The following RPL7A variants were observed in gnomAD, a reference collection of about 807,000 sequenced individuals.
RPL7A encodes large ribosomal subunit protein eL8.
For missense variants in RPL7A, 291 were observed against 338.2 expected (o/e 0.86, Z 1.09); for synonymous variants, 158 against 128.2 (o/e 1.23, Z -1.57).
chr9:133,351,115 T>C (rs1305887293), intron 7 of RPL7A, 44 bp downstream of exon 7: 6 of 1,596,052 alleles, frequency 3.8e-6, no homozygotes, highest in Non-Finnish European at 5.1e-6. Flanking sequence ...TCACAAATCT[T>C]TCTCCCAAAT....
intron 1 of RPL7A, 140 bp from the exon 2 acceptor site, chr9:133,348,782 G>T (rs1836290940): frequency 3.9e-6 from 5 of 1,266,346 alleles, no homozygotes; most frequent in Non-Finnish European, 5.7e-6. Flanking sequence ...GGTGGTGCTG[G>T]GGGGTTGCAG....
At position 133,351,129 on chromosome 9, in the gene RPL7A, T is replaced by G. The variant is rs1836387427; in HGVS notation, c.696+58T>G. 3 of 1,585,970 alleles carry G rather than the reference T, an allele frequency of 1.9e-6. No homozygotes were observed. The East Asian group carries it at 6.7e-5, about 36-fold the overall frequency. ...TTCACAAATCTTTCTCCCAAATAAC[T>G]GGCTGGCTTAACCTATGAGAAGTTC... On this transcript the variant is annotated intron_variant, in intron 7 of 7. Coordinates refer to ENST00000323345, the MANE Select transcript of RPL7A (RefSeq NM_000972.3).
chr9:133,349,152 C>T, intron 2 of RPL7A, 110 bp downstream of exon 2: 2 of 1,315,128 alleles, frequency 1.5e-6, no homozygotes, highest in African/African-American at 1.5e-5. Flanking sequence ...TGGTCGCAGT[C>T]CTTAATTTGT....
Position 133,349,471 on chromosome 9 carries a change from C to T in RPL7A, c.125-80C>T, listed in dbSNP as rs1223575445. ...TTAAACCACCAAGATCGCTGATGCA[C>T]CAACACCCTTCCTAGTGGCCCCAGA... On this transcript the variant is annotated intron_variant, in intron 2 of 7. Coordinates refer to ENST00000323345, the MANE Select transcript of RPL7A (RefSeq NM_000972.3). 8 of 1,568,664 alleles carry T rather than the reference C, an allele frequency of 5.1e-6. No homozygotes were observed. In the Admixed American group the frequency reaches 1.3e-4, roughly 26 times the overall value.
At chr9:133,349,811 T>C (rs1212256535) in intron 3 of RPL7A, 101 bp from the exon 4 acceptor site, 15 of 1,579,462 alleles carry the variant, frequency 9.5e-6, no homozygotes, top group African/African-American at 2.7e-5. Context: ...CATTAAATTA[T>C]AGTCATATAG....
In RPL7A at chr9:133,350,104, T is replaced by C. The variant is rs2129991343; in HGVS notation, c.415+52T>C. ...CACTGGGGGCGGGCTGTTGCAGTGA[T>C]GTAAAATTTCTTGGCCTGAAATTAC... On this transcript the variant is annotated intron_variant, in intron 4 of 7. Coordinates refer to ENST00000323345, the MANE Select transcript of RPL7A (RefSeq NM_000972.3). 3.1e-6 allele frequency: 5 copies of C among 1,613,798 alleles called. No homozygotes were observed. The East Asian group carries it at 8.9e-5, about 29-fold the overall frequency.
intron 2 of RPL7A, chr9:133,349,347 CTT>C (rs2129985005): frequency 2.3e-6 from 2 of 861,904 alleles, no homozygotes; most frequent in South Asian, 2.6e-5. Context: ...ACCTTGGCTT[CTT>C]GTTAGATGAG....
chr9:133,351,192 A>C, intron 7 of RPL7A, 70 bp from the exon 8 acceptor site: 1 of 1,553,740 alleles, frequency 6.4e-7, no homozygotes, highest in Admixed American at 1.7e-5. Context: ...AACAGAATTA[A>C]CGCAACTAAT....
chr9:133,350,227 T>C lies in RPL7A; in HGVS notation c.416-13T>C, dbSNP rs1836354455. On this transcript the variant is annotated splice_polypyrimidine_tract_variant and intron_variant, in intron 4 of 7. Transcript: ENST00000323345. ...GGCCCTGTGAGTGCTCACAAAGTGGTTGTGTGTTCTAGGAGTTAACACCGT... is the reference window on the plus strand; with the variant it reads ...GGCCCTGTGAGTGCTCACAAAGTGGCTGTGTGTTCTAGGAGTTAACACCGT... 6 of 1,613,888 alleles carry C rather than the reference T, an allele frequency of 3.7e-6. No homozygotes were observed. The highest frequency in any genetic ancestry group is 1.7e-4 in the Middle Eastern group (1 of 6,002).
intron 2 of RPL7A, 150 bp downstream of exon 2, chr9:133,349,192 G>A (rs1836309089): frequency 1.0e-6 from 1 of 995,484 alleles, no homozygotes; most frequent in Non-Finnish European, 1.5e-6. Flanking sequence ...AATGATACAT[G>A]CTTCTTGCTT....
chr9:133,348,328 G>A (rs1564342579), intron 1 of RPL7A, 82 bp downstream of exon 1: 2 of 1,588,758 alleles, frequency 1.3e-6, no homozygotes, highest in Non-Finnish European at 1.7e-6. Flanking sequence ...CGGCCTCGGA[G>A]GGCCTCCTGC....
chr9:133,349,272 G>A (rs2129984540), intron 2 of RPL7A: 3 of 743,024 alleles, frequency 4.0e-6, no homozygotes, highest in South Asian at 1.5e-5. Flanking sequence ...TAGCCATCTG[G>A]AAACAAGTAC....
chr9:133,350,988 C>T lies in RPL7A; in HGVS notation c.627-14C>T, dbSNP rs2129997511. 10 of 1,613,840 alleles carry T rather than the reference C, an allele frequency of 6.2e-6. No individual in the cohort carries two copies. The highest frequency in any genetic ancestry group is 5.3e-5 in the African/African-American group (4 of 75,024). On this transcript the variant is annotated splice_polypyrimidine_tract_variant and intron_variant, in intron 6 of 7. Transcript: ENST00000323345. The stretch of plus-strand genomic sequence containing the variant: ...GGCAAAAAACCCACTTTTGTTTCCC[C>T]TCCTGCCTTTTAGGGAAGACAAAGG...
intron 2 of RPL7A, chr9:133,349,266 C>A: frequency 1.4e-6 from 1 of 737,488 alleles, no homozygotes; most frequent in Non-Finnish European, 2.4e-6. Context: ...TCAGCTTAGC[C>A]ATCTGGAAAC....
intron 2 of RPL7A, 151 bp from the exon 3 acceptor site, chr9:133,349,400 G>A: frequency 9.8e-7 from 1 of 1,024,088 alleles, no homozygotes; most frequent in Admixed American, 1.7e-5. Flanking sequence ...TTTGTGTGCA[G>A]ATGATGTAAA....
Position 133,349,782 on chromosome 9 carries a change from C to A in RPL7A, c.274+82C>A, listed in dbSNP as rs182515784. 26 of 1,587,710 alleles carry A rather than the reference C, an allele frequency of 1.6e-5. No individual in the cohort carries two copies. The African/African-American group carries it at 2.7e-4, about 16-fold the overall frequency. ...AGAACATGAGGGGGATGGTCTTAGG[C>A]TTCTTGAACTGCAGTTGTCATTAAA... On this transcript the variant is annotated intron_variant, in intron 3 of 7. Coordinates refer to ENST00000323345, the MANE Select transcript of RPL7A (RefSeq NM_000972.3).
At position 133,348,345 on chromosome 9, in the gene RPL7A, T is replaced by C. The variant is rs2129978091; in HGVS notation, c.3+99T>C. The C allele has an allele frequency of 1.4e-5, 21 of 1,518,564 alleles. No homozygotes were observed. The East Asian group carries it at 4.1e-4, about 29-fold the overall frequency. The allele number at this position is 1,518,564 out of a possible 1,614,324, so 94.1% of individuals were successfully genotyped here. A position where few individuals can be genotyped will look rare whatever the true frequency, so the allele number is the denominator to read the frequency against. On this transcript the variant is annotated intron_variant, in intron 1 of 7. Transcript: ENST00000323345. ...GCCTCGGAGGGCCTCCTGCTCCTCC[T>C]GGCGCTAGGAGAGCCCCACTCGGTG...
rs2129977116 is a variant in RPL7A, at chr9:133,348,238, C to G, written c.-6C>G. On this transcript the variant is annotated 5_prime_UTR_variant, in exon 1 of 8. Coordinates refer to ENST00000323345, the MANE Select transcript of RPL7A (RefSeq NM_000972.3). ...CTTTCCTTTCTCTCTCCTCCCGCCG[C>G]CCAAGATGGTGAGTGAGCTGTAGTT... 1.1e-5 allele frequency: 17 copies of G among 1,614,122 alleles called. No homozygotes were observed. The highest frequency in any genetic ancestry group is 1.2e-5 in the Non-Finnish European group (14 of 1,180,002).
chr9:133,350,871 TCACCTGAA>T (rs2129996663), intron 6 of RPL7A, 123 bp from the exon 7 acceptor site: 2 of 1,487,246 alleles, frequency 1.3e-6, no homozygotes, highest in Admixed American at 3.3e-5. Context: ...AAGAATTTCT[TCACCTGAA>T]TAAACCATGT....
Sources: allele counts gnomAD v4.1 joint callset, GRCh38; gene constraint gnomAD v4.1.1; transcripts MANE v1.5; gene names NCBI Gene and HGNC (gene_info 2026-07-23, HGNC 2026-07-21).